The following SLC19A3 variants were observed in gnomAD, a reference collection of about 807,000 sequenced individuals.
The protein encoded by SLC19A3 is thiamine transporter 2.
A neutral mutation model predicts 40.2 loss-of-function variants in SLC19A3; 31 were observed. The ratio of observed to expected loss-of-function variants is 0.77; its 90% CI spans 0.58 to 1.04. The LOEUF (loss-of-function observed/expected upper bound fraction) is 1.04, where lower values mean the gene tolerates loss of function less well. SLC19A3 is among the 50% of genes least tolerant of loss of function. The pLI is 0.00. For missense variants in SLC19A3, 592 were observed against 596.7 expected, an observed-to-expected ratio of 0.99 and a Z score of 0.08; for synonymous variants, 212 against 227.5, an observed-to-expected ratio of 0.93 and a Z score of 0.61.
Position 227,684,900 on chromosome 2 carries a change from T to C in SLC19A3, c.*2497A>G, listed in dbSNP as rs1694958323. The C allele has an allele frequency of 7.1e-6, 1 of 141,576 alleles. No homozygotes were observed. The highest frequency in any genetic ancestry group is 1.5e-5 in the Non-Finnish European group (1 of 66,714). The allele number at this position is 141,576 out of a possible 1,614,324, so 8.8% of individuals were successfully genotyped here. ...CGGGAGGCTGAGGCAGGAGAATTGC[T>C]TGAACCCGGGAGGCGGAGGTTGCAG... On this transcript the variant is annotated 3_prime_UTR_variant, in exon 6 of 6. Coordinates refer to ENST00000644224, the MANE Select transcript of SLC19A3 (RefSeq NM_025243.4).
chr2:227,697,288 A>G (rs557403870), intron 3 of SLC19A3, among the ~76,000 whole-genome samples: 51 of 152,322 alleles, frequency 3.3e-4, no homozygotes, highest in African/African-American at 1.2e-3. Context: ...ATAATAAAAT[A>G]GAGGTCACAC....
chr2:227,717,400 T>G (rs1415806417), intron 1 of SLC19A3, among the ~76,000 whole-genome samples: 1 of 152,182 alleles, frequency 6.6e-6, no homozygotes, highest in Admixed American at 6.5e-5. Flanking sequence ...CGACATTGAT[T>G]TGGTAAACAG....
In SLC19A3 at chr2:227,684,959, G is replaced by GGT. The variant is rs1266429128; in HGVS notation, c.*2436_*2437dup. The GGT allele has an allele frequency of 8.0e-5, 10 of 124,398 alleles. No individual in the cohort carries two copies. Among genetic ancestry groups the GGT allele is most frequent in the Non-Finnish European group, 1.4e-4 (9 of 62,264 alleles). The allele number at this position is 124,398 out of a possible 1,614,324, so 7.7% of individuals were successfully genotyped here. The stretch of plus-strand genomic sequence containing the variant: ...CATTGCGTCATTGCACTCCAGCCTG[G>GGT]GTGACAGAGCAAGATTCTATCAAAA... On this transcript the variant is annotated 3_prime_UTR_variant, in exon 6 of 6. Coordinates refer to ENST00000644224, the MANE Select transcript of SLC19A3 (RefSeq NM_025243.4).
At position 227,714,417 on chromosome 2, in the gene SLC19A3, A is replaced by C. The variant is rs1696256889; in HGVS notation, c.-3+3526T>G. On this transcript the variant is annotated intron_variant, in intron 1 of 5. Coordinates refer to ENST00000644224, the MANE Select transcript of SLC19A3 (RefSeq NM_025243.4). Reference sequence around the variant, plus strand: ...TTAATACAGATAGAATCTGAATCTCAGAAGCTGAGGCAGGAGGATCCCTTG... The same window carrying C: ...TTAATACAGATAGAATCTGAATCTCCGAAGCTGAGGCAGGAGGATCCCTTG... 3.0e-6 allele frequency: 3 copies of C among 985,064 alleles called. 1 individual carries two copies. The South Asian group carries it at 1.4e-4, about 46-fold the overall frequency. 61.0% of individuals were successfully genotyped at this position (985,064 alleles called of 1,614,324 possible). A position where few individuals can be genotyped will look rare whatever the true frequency, so the allele number is the denominator to read the frequency against.
intron 1 of SLC19A3, chr2:227,714,703 C>CA (rs769256469): frequency 0.12 from 21,446 of 176,168 alleles, 1,706 homozygotes; most frequent in Admixed American, 0.17. Context: ...AAATCCCATC[C>CA]AAAAAAAAAA....
At chr2:227,692,635 T>C (rs1465178031) in intron 4 of SLC19A3, among the ~76,000 whole-genome samples, 1 of 152,180 alleles carries the variant, frequency 6.6e-6, no homozygotes, top group Non-Finnish European at 1.5e-5. Context: ...CTCTCTAAGA[T>C]TTGGAACACG....
chr2:227,693,532 G>A (rs776489729), intron 4 of SLC19A3, among the ~76,000 whole-genome samples: 95 of 152,224 alleles, frequency 6.2e-4, no homozygotes, highest in South Asian at 8.3e-4. Flanking sequence ...CTGAATATCC[G>A]TATGCAGAAG....
chr2:227,694,707 G>A (rs1257332318), intron 4 of SLC19A3, among the ~76,000 whole-genome samples: 2 of 152,154 alleles, frequency 1.3e-5, no homozygotes, highest in East Asian at 3.8e-4. Flanking sequence ...TGAGAAAAAA[G>A]TAGAAGCAAA....
At chr2:227,714,513 C>G (rs986571598) in intron 1 of SLC19A3, 1 of 985,238 alleles carries the variant, frequency 1.0e-6, no homozygotes, top group African/African-American at 1.7e-5. Context: ...GCCTTCAGGT[C>G]CAACTTCTGC....
intron 4 of SLC19A3, among the ~76,000 whole-genome samples, chr2:227,693,900 A>G (rs1695328307): frequency 6.6e-6 from 1 of 152,216 alleles, no homozygotes; most frequent in Middle Eastern, 3.2e-3. Flanking sequence ...TAATCAGATT[A>G]AAAATGGGCA....
At chr2:227,688,423 G>T in intron 4 of SLC19A3, 116 bp from the exon 5 acceptor site, 2 of 850,448 alleles carry the variant, frequency 2.4e-6, no homozygotes, top group South Asian at 1.5e-5. Context: ...GCTCCAGGTA[G>T]TCCAGCAAAG....
rs528587675 is a variant in SLC19A3, at chr2:227,690,662, G to A, written c.1173-2355C>T. On this transcript the variant is annotated intron_variant, in intron 4 of 5. Coordinates refer to ENST00000644224, the MANE Select transcript of SLC19A3 (RefSeq NM_025243.4). ...GTGGAGCTTGCAGTGAGCTGAGATC[G>A]TGCCACTGCACTCCAGCCTGGGTGA... Among the ~76,000 whole-genome samples, 266 of 131,586 alleles carry A rather than the reference G, an allele frequency of 2.0e-3. 1 individual carries two copies. The highest frequency in any genetic ancestry group is 6.4e-3 in the African/African-American group (216 of 33,892). 86.3% of individuals were successfully genotyped at this position (131,586 alleles called of 152,430 possible).
At chr2:227,717,702 T>C (rs965895497) in intron 1 of SLC19A3, among the ~76,000 whole-genome samples, 2 of 152,202 alleles carry the variant, frequency 1.3e-5, no homozygotes, top group Admixed American at 6.5e-5. Flanking sequence ...CATGATTTTA[T>C]TTAATCTGCG....
rs114770463 is a variant in SLC19A3 at position 227,705,596 on chromosome 2, A to G, written c.-2-3276T>C. ...CACTGTCTTCCACAATGGTTGAAGT[A>G]ATTTACGTTCCCACCAACAATGTAA... On this transcript the variant is annotated intron_variant, in intron 1 of 5. Transcript: ENST00000644224. Among the ~76,000 whole-genome samples, 1,167 of 152,224 alleles carry G rather than the reference A, an allele frequency of 7.7e-3. 4 individuals carry two copies. The highest frequency in any genetic ancestry group is 0.012 in the Non-Finnish European group (845 of 68,026).
chr2:227,704,633 A>G (rs111374243), intron 1 of SLC19A3, among the ~76,000 whole-genome samples: 3 of 152,104 alleles, frequency 2.0e-5, no homozygotes, highest in African/African-American at 7.2e-5. Context: ...CAGCCTGGCT[A>G]TATCCTCAAA....
intron 4 of SLC19A3, among the ~76,000 whole-genome samples, chr2:227,691,441 T>C (rs922672144): frequency 6.6e-6 from 1 of 152,072 alleles, no homozygotes; most frequent in Non-Finnish European, 1.5e-5. Flanking sequence ...ACCCTGTCTC[T>C]ACCAAAAATA....
intron 4 of SLC19A3, among the ~76,000 whole-genome samples, chr2:227,689,499 T>C (rs1007830076): frequency 6.6e-6 from 1 of 152,132 alleles, no homozygotes; most frequent in Non-Finnish European, 1.5e-5. Flanking sequence ...CCTAGAATAG[T>C]ATATCCAGTG....
At chr2:227,706,106 A>G (rs1322244042) in intron 1 of SLC19A3, among the ~76,000 whole-genome samples, 2 of 152,092 alleles carry the variant, frequency 1.3e-5, no homozygotes, top group African/African-American at 4.8e-5. Context: ...CCTTATAAAC[A>G]TAGTAACCAC....
chr2:227,705,812 G>A (rs930325654), intron 1 of SLC19A3, among the ~76,000 whole-genome samples: 2 of 152,050 alleles, frequency 1.3e-5, no homozygotes, highest in Non-Finnish European at 2.9e-5. Flanking sequence ...CATGGCAAAC[G>A]TTTACCTGTG....
Sources: allele counts gnomAD v4.1 joint callset (sites outside exome capture counted in the v4.1 genomes callset), GRCh38; gene constraint gnomAD v4.1.1; transcripts MANE v1.5; gene names NCBI Gene and HGNC (gene_info 2026-07-23, HGNC 2026-07-21).